PPFIA4: variants seen among roughly 807,000 people sequenced by gnomAD.
PPFIA4 encodes the protein liprin-alpha-4.
In PPFIA4, 98 loss-of-function variants were observed where a neutral mutation model predicts 145.7. That is an observed-to-expected ratio of 0.67 (90% CI 0.57 to 0.80). The LOEUF (loss-of-function observed/expected upper bound fraction) is 0.80. Ranked by LOEUF, PPFIA4 falls within the 30% of genes least tolerant of loss-of-function variation. PPFIA4 has a pLI of 0.00. For missense variants in PPFIA4, 1,457 were observed against 1,632.7 expected, an observed-to-expected ratio of 0.89 and a Z score of 1.85; for synonymous variants, 628 against 649.6, an observed-to-expected ratio of 0.97 and a Z score of 0.51.
At chr1:203,044,272 C>T (rs1659907501) in intron 4 of PPFIA4, 107 bp from the exon 5 acceptor site, 1 of 1,192,006 alleles carries the variant, frequency 8.4e-7, no homozygotes, top group Non-Finnish European at 1.2e-6. Flanking sequence ...GCTTAGTAGG[C>T]CCTTCACTGT....
intron 28 of PPFIA4, among the ~76,000 whole-genome samples, chr1:203,074,218 T>G (rs1006954117): frequency 6.6e-6 from 1 of 152,196 alleles, no homozygotes; most frequent in Non-Finnish European, 1.5e-5. Flanking sequence ...TTGATCACTG[T>G]GTGAACATCA....
At chr1:203,046,701 C>A (rs1302082238) in intron 9 of PPFIA4, among the ~76,000 whole-genome samples, 1 of 147,748 alleles carries the variant, frequency 6.8e-6, no homozygotes, top group Non-Finnish European at 1.5e-5. Flanking sequence ...TCGTGGTGAA[C>A]ACTTTCTTTC....
At chr1:203,050,009 C>T (rs771123074) in intron 13 of PPFIA4, among the ~76,000 whole-genome samples, 10 of 152,320 alleles carry the variant, frequency 6.6e-5, no homozygotes, top group South Asian at 4.1e-4. Flanking sequence ...GCTCTGTCCC[C>T]GCTGTGGTAG....
chr1:203,052,048 C>CCT (rs1553257060), intron 14 of PPFIA4, among the ~76,000 whole-genome samples, 171 bp downstream of exon 14: 1 of 136,278 alleles, frequency 7.3e-6, no homozygotes, highest in Non-Finnish European at 1.6e-5. Flanking sequence ...CAGCTGTGCC[C>CCT]CCCCCCCCGC....
At chr1:203,031,134 T>C (rs566109730) in intron 1 of PPFIA4, among the ~76,000 whole-genome samples, 5 of 152,304 alleles carry the variant, frequency 3.3e-5, no homozygotes, top group African/African-American at 1.2e-4. Flanking sequence ...CATGGCTCAC[T>C]GCAGCCTCAA....
At position 203,048,998 on chromosome 1, in the gene PPFIA4, G is replaced by A. The variant is rs533510569; in HGVS notation, c.1419+18G>A. 1.9e-6 allele frequency: 3 copies of A among 1,547,836 alleles called. No homozygotes were observed. The highest frequency in any genetic ancestry group is 1.4e-5 in the African/African-American group (1 of 73,060). On this transcript the variant is annotated intron_variant, in intron 12 of 29. Coordinates refer to ENST00000295706, the MANE Select transcript of PPFIA4 (RefSeq NM_001304331.2). The surrounding 1 kb of genome is among the most constrained non-coding windows in gnomAD (Gnocchi z 5.8). Reference sequence around the variant, plus strand: ...ACCACAAGGTACCCGGCTGCGGCCAGCCCCGCCCAGCCTGGGAGGGCCGGG... The same window carrying A: ...ACCACAAGGTACCCGGCTGCGGCCAACCCCGCCCAGCCTGGGAGGGCCGGG...
chr1:203,068,477 AG>A lies in PPFIA4; in HGVS notation c.3175del (p.Val1059TrpfsTer40). 1 of 1,607,960 alleles carries A rather than the reference AG, an allele frequency of 6.2e-7. No individual in the cohort carries two copies. The highest frequency in any genetic ancestry group is 1.1e-5 in the South Asian group (1 of 90,196). ...GATGTGTTAGTCTGGACCAACGACC[AG>A]GTGGTTCATTGGGTCCAGTCTATTG... ...IKDVLVWTND[Q>X]VVHWVQSIGL... On this transcript the variant is annotated frameshift_variant, in exon 27 of 30. Transcript: ENST00000295706. LOFTEE classifies it high-confidence loss of function. The surrounding 1 kb of genome is among the most constrained non-coding windows in gnomAD (Gnocchi z 4.7).
At position 203,045,458 on chromosome 1, in the gene PPFIA4, A is replaced by G. The variant is rs763464527; in HGVS notation, c.757A>G (p.Thr253Ala). 1.2e-6 allele frequency: 2 copies of G among 1,610,008 alleles called. No homozygotes were observed. Among genetic ancestry groups the G allele is most frequent in the South Asian group, 2.2e-5 (2 of 90,316 alleles). Residue 253 changes from threonine (T) to alanine (A), a missense_variant, in exon 7 of 30, where the codon ACA becomes GCA. Thr to Ala is a moderately conservative substitution (Grantham distance 58). This residue lies in a region of PPFIA4 where 463 missense variants were observed against 459.8 expected (regional missense o/e 1.01). Coordinates refer to ENST00000295706, the MANE Select transcript of PPFIA4 (RefSeq NM_001304331.2). ...GGCCCGGGAGCGACTGGTCACCCTA[A>G]CAACAACCGTGACTGAACTCGAGGA... ...SQARERLVTLTTTVTELEEDL... is the reference protein window; with the variant it reads ...SQARERLVTLATTVTELEEDL...
At chr1:203,054,067 A>G in intron 15 of PPFIA4, 106 bp downstream of exon 15, 1 of 1,253,494 alleles carries the variant, frequency 8.0e-7, no homozygotes, top group African/African-American at 1.5e-5. Context: ...GCTGCAACTT[A>G]GAGTACCACA....
At chr1:203,049,991 C>T (rs191183743) in intron 13 of PPFIA4, among the ~76,000 whole-genome samples, 68 of 152,348 alleles carry the variant, frequency 4.5e-4, no homozygotes, top group African/African-American at 1.6e-3. Context: ...AGTCATCAGA[C>T]AGCCAGTGCT....
At chr1:203,044,608 T>A (rs932283952) in intron 5 of PPFIA4, 88 bp from the exon 6 acceptor site, 31 of 1,423,482 alleles carry the variant, frequency 2.2e-5, no homozygotes, top group African/African-American at 1.9e-4. Flanking sequence ...AGACATTTTT[T>A]AACTAAGACA....
At chr1:203,072,270 ACAG>A (rs1662224055) in intron 28 of PPFIA4, among the ~76,000 whole-genome samples, 1 of 152,168 alleles carries the variant, frequency 6.6e-6, no homozygotes, top group Non-Finnish European at 1.5e-5. Context: ...TGCAGTCTGC[ACAG>A]TTAAACACAC....
intron 4 of PPFIA4, 40 bp downstream of exon 4, chr1:203,044,135 G>A: frequency 6.5e-7 from 1 of 1,531,370 alleles, no homozygotes; most frequent in Non-Finnish European, 8.8e-7. Context: ...CAGCCAGGCT[G>A]CCCTGGAGCC....
At position 203,039,046 on chromosome 1, in the gene PPFIA4, G is replaced by T. The variant is rs61821060; in HGVS notation, c.38G>T (p.Arg13Leu). 5 of 1,590,648 alleles carry T rather than the reference G, an allele frequency of 3.1e-6. No individual in the cohort carries two copies. The highest frequency in any genetic ancestry group is 4.3e-6 in the Non-Finnish European group (5 of 1,169,692). The change falls in exon 2 of 30, where the codon CGC becomes CTC. Residue 13 changes from arginine to leucine, a missense_variant. This residue lies in a region of PPFIA4 where 463 missense variants were observed against 459.8 expected (regional missense o/e 1.01). Transcript: ENST00000295706. ...ATGCCCACAATCAATGAGGGGGACCGCCTGGGTCCCCCTCATGGCGCCGAT... is the reference window on the plus strand; with the variant it reads ...ATGCCCACAATCAATGAGGGGGACCTCCTGGGTCCCCCTCATGGCGCCGAT... ...EVMPTINEGD[R>L]LGPPHGADAD...
In PPFIA4 at chr1:203,076,352, T is replaced by C. The variant is rs1485373131; in HGVS notation, c.3586T>C (p.Tyr1196His). 3 of 1,606,672 alleles carry C rather than the reference T, an allele frequency of 1.9e-6. No homozygotes were observed. Among genetic ancestry groups the C allele is most frequent in the Non-Finnish European group, 2.5e-6 (3 of 1,179,788 alleles). ...KKIMPEAHSH[Y>H]LYGHMLSAFR... is the part of the protein sequence containing the mutation. ...TCTCTCTCCCTCAGCTCACTCCCAC[T>C]ATCTCTACGGACACATGCTCTCCGC... Residue 1196 changes from tyrosine to histidine, a missense_variant, in exon 30 of 30, where the codon TAT becomes CAT. By Grantham distance (83) the Tyr-to-His change is moderately conservative. Around this residue, in one of 3 missense-constraint regions of PPFIA4, gnomAD observed 146 missense variants for 126.2 expected, o/e 1.16. Transcript: ENST00000295706.
intron 1 of PPFIA4, among the ~76,000 whole-genome samples, chr1:203,033,419 G>A (rs782798): frequency 0.62 from 94,295 of 152,034 alleles, 29,757 homozygotes; most frequent in Non-Finnish European, 0.69. Flanking sequence ...GCCCAGCCTT[G>A]AGGCGCTTTG....
Position 203,048,225 on chromosome 1 carries a change from A to G in PPFIA4, c.1141-2A>G. On this transcript the variant is annotated splice_acceptor_variant, in intron 9 of 29. Transcript: ENST00000295706. LOFTEE classifies it high-confidence loss of function. This position sits in a 1 kb window ranked among gnomAD's most constrained non-coding sequence, Gnocchi z 5.8. ...GCTGCACCGACCCATCCCTGCCCCT[A>G]GGCTGAAGAACGGCATGGCAACATT... The G allele has an allele frequency of 6.2e-7, 1 of 1,612,726 alleles. No individual in the cohort carries two copies. The highest frequency in any genetic ancestry group is 8.5e-7 in the Non-Finnish European group (1 of 1,179,824).
Position 203,055,329 on chromosome 1 carries a change from A to ACCGCATGTGGT in PPFIA4, c.1830-100_1830-90dup. 6.8e-7 allele frequency: 1 copy of ACCGCATGTGGT among 1,476,466 alleles called. No homozygotes were observed. The highest frequency in any genetic ancestry group is 9.4e-7 in the Non-Finnish European group (1 of 1,067,184). The allele number at this position is 1,476,466 out of a possible 1,614,324, so 91.5% of individuals were successfully genotyped here. ...GACAGACAAAGCCTGGCGGGTGTAC[A>ACCGCATGTGGT]CCGCATGTGGTCCTTGGTGGCGAGT... On this transcript the variant is annotated intron_variant, in intron 15 of 29. Coordinates refer to ENST00000295706, the MANE Select transcript of PPFIA4 (RefSeq NM_001304331.2). The surrounding 1 kb of genome is among the most constrained non-coding windows in gnomAD (Gnocchi z 4.8).
Position 203,055,704 on chromosome 1 carries a change from C to T in PPFIA4, c.2070+32C>T. ...GGCAGCTGAGGAGCAGGCCTGGCAT[C>T]ACTGGACCCTGCACCGGGGGAGGTT... On this transcript the variant is annotated intron_variant, in intron 16 of 29. Coordinates refer to ENST00000295706, the MANE Select transcript of PPFIA4 (RefSeq NM_001304331.2). The surrounding 1 kb of genome is among the most constrained non-coding windows in gnomAD (Gnocchi z 4.8). 1 of 1,610,224 alleles carries T rather than the reference C, an allele frequency of 6.2e-7. No homozygotes were observed.
Sources: allele counts gnomAD v4.1 joint callset (sites outside exome capture counted in the v4.1 genomes callset), GRCh38; gene constraint gnomAD v4.1.1; regional missense constraint gnomAD v4.1.1; non-coding constraint Gnocchi (gnomAD v3.1); transcripts MANE v1.5; gene names NCBI Gene and HGNC (gene_info 2026-07-23, HGNC 2026-07-21).